The following MUC4 variants were observed in gnomAD, a reference collection of about 807,000 sequenced individuals.
MUC4 encodes mucin 4, cell surface associated.
A neutral mutation model predicts 257.9 loss-of-function variants in MUC4; 202 were observed. The observed-to-expected ratio is 0.78, with a 90% CI of 0.70 to 0.88. The LOEUF (loss-of-function observed/expected upper bound fraction) is 0.88. MUC4 is among the 40% of genes least tolerant of loss of function. The probability of loss-of-function intolerance (pLI) is 0.00; values close to 1 mark genes in which losing one functional copy is unlikely to be tolerated. For synonymous variants in MUC4, 2,351 were observed against 2,757.1 expected (o/e 0.85, Z 4.62); for missense variants, 5,976 against 6,513.7 (o/e 0.92, Z 2.84).
rs1014434054 is a variant in MUC4, at chr3:195,757,063, G to T, written c.15168+84C>A. ...CATCTCCCAACACAGACACACCCAG[G>T]ACAGGCAGAATCACAGCATCCATTC... On this transcript the variant is annotated intron_variant, in intron 18 of 24. Transcript: ENST00000463781. The surrounding 1 kb of genome is among the most constrained non-coding windows in gnomAD (Gnocchi z 4.8). The T allele has an allele frequency of 1.3e-5, 19 of 1,411,516 alleles. No individual in the cohort carries two copies. The South Asian group carries it at 2.2e-4, about 17-fold the overall frequency. 87.4% of individuals were successfully genotyped at this position (1,411,516 alleles called of 1,614,324 possible).
intron 19 of MUC4, 132 bp downstream of exon 19, chr3:195,754,081 A>G (rs1240477969): frequency 7.9e-7 from 1 of 1,261,646 alleles, no homozygotes. Context: ...TAGATTTCCC[A>G]CACCTGCCTA....
rs1175118882 is a variant in MUC4 at position 195,782,509 on chromosome 3, G to A, written c.9071C>T (p.Pro3024Leu). 7.9e-6 allele frequency: 11 copies of A among 1,386,068 alleles called. 1 individual carries two copies. Among genetic ancestry groups the A allele is most frequent in the Non-Finnish European group, 9.7e-6 (10 of 1,032,014 alleles). The allele number at this position is 1,386,068 out of a possible 1,614,324, so 85.9% of individuals were successfully genotyped here. ...TSSISTGHAT[P>L]LHVTSPSSAS... The stretch of plus-strand genomic sequence containing the variant: ...TGAGGAAGGGCTGGTGACATGAAGA[G>A]GGGTGGCGTGACCTGTGGATATTGA... Residue 3024 changes from proline to leucine, a missense_variant, in exon 2 of 25, where the codon CCT becomes CTT. By Grantham distance (98) the Pro-to-Leu change is moderately conservative (BLOSUM62 -3). Coordinates refer to ENST00000463781, the MANE Select transcript of MUC4 (RefSeq NM_018406.7).
At chr3:195,771,843 A>AT (rs750217633) in intron 4 of MUC4, 27 bp from the exon 5 acceptor site, 1 of 1,607,642 alleles carries the variant, frequency 6.2e-7, no homozygotes. Flanking sequence ...TGTGGTCAGC[A>AT]TTCAGGGAGG....
At chr3:195,766,776 G>C (rs779008697) in intron 7 of MUC4, 25 bp from the exon 8 acceptor site, 4 of 1,606,902 alleles carry the variant, frequency 2.5e-6, no homozygotes, top group Middle Eastern at 1.7e-4. Context: ...AGACTCTCAG[G>C]CCTCTGCCGT....
In MUC4 at chr3:195,782,233, C is replaced by A. The variant is rs749308275; in HGVS notation, c.9347G>T (p.Gly3116Val). Residue 3116 changes from glycine (G) to valine (V), a missense_variant, in exon 2 of 25, where the codon GGT becomes GTT. Coordinates refer to ENST00000463781, the MANE Select transcript of MUC4 (RefSeq NM_018406.7). ...GGTGACAGGAAGAGGGGTGGTGTGA[C>A]CTGTGGATGCTGAGGAAGGGCTAGT... ...PVTSPSSAST[G>V]HTTPLPVTDT... 1 of 1,528,032 alleles carries A rather than the reference C, an allele frequency of 6.5e-7. No individual in the cohort carries two copies. The highest frequency in any genetic ancestry group is 8.8e-7 in the Non-Finnish European group (1 of 1,136,544). The allele number at this position is 1,528,032 out of a possible 1,614,324, so 94.7% of individuals were successfully genotyped here. A position where few individuals can be genotyped will look rare whatever the true frequency, so the allele number is the denominator to read the frequency against.
At chr3:195,758,405 A>G (rs769951366) in intron 17 of MUC4, among the ~76,000 whole-genome samples, 1 of 152,168 alleles carries the variant, frequency 6.6e-6, no homozygotes, top group African/African-American at 2.4e-5. Flanking sequence ...AGTATTTTTC[A>G]TATTTCTTTA....
intron 14 of MUC4, among the ~76,000 whole-genome samples, chr3:195,761,873 CT>C (rs1028220448): frequency 4.1e-4 from 62 of 152,296 alleles, no homozygotes; most frequent in African/African-American, 5.3e-4. Flanking sequence ...GCAGCCCCCC[CT>C]GATGCTCCCT....
chr3:195,789,643 G>A lies in MUC4; in HGVS notation c.1937C>T (p.Thr646Ile). ...QRGHTQAPQT[T>I]QESQTTRSVS... ...GGACCTCGTGGTTTGTGATTCTTGT[G>A]TGGTCTGCGGGGCTTGAGTGTGACC... Residue 646 changes from threonine (T) to isoleucine (I), a missense_variant, in exon 2 of 25, where the codon ACA (threonine) becomes ATA (isoleucine). Thr to Ile is a moderately conservative substitution (Grantham distance 89, BLOSUM62 -1). Transcript: ENST00000463781. 6.2e-7 allele frequency: 1 copy of A among 1,614,010 alleles called. No individual in the cohort carries two copies. Among genetic ancestry groups the A allele is most frequent in the Non-Finnish European group, 8.5e-7 (1 of 1,179,892 alleles).
chr3:195,811,684 C>A (rs1047092629), intron 1 of MUC4, 52 bp downstream of exon 1: 5 of 1,562,212 alleles, frequency 3.2e-6, no homozygotes, highest in Non-Finnish European at 4.4e-6. Context: ...CAGCTCCCAC[C>A]TCCCCCAAGT....
In MUC4 at chr3:195,790,836, T is replaced by C; in HGVS notation, c.744A>G (p.Ser248=). The C allele has an allele frequency of 1.2e-6, 2 of 1,613,872 alleles. No individual in the cohort carries two copies. Among genetic ancestry groups the C allele is most frequent in the South Asian group, 1.1e-5 (1 of 91,066 alleles). ...KTSPSGETAT[S]SLCSVTNTSM... ...ATGTGTTTGTGACACTACAGAGGGA[T>C]GAGGTAGCTGTTTCACCTGAAGGAG... Residue 248 remains serine (S), a synonymous_variant, in exon 2 of 25, where the codon TCA becomes TCG. Transcript: ENST00000463781.
Position 195,778,465 on chromosome 3 carries a change from T to A in MUC4, c.12791-10A>T. The stretch of plus-strand genomic sequence containing the variant: ...GACGGTGTTGTCATTCCTGGACACG[T>A]GAAAAGACAAGGCGGGGTGTTTCTT... On this transcript the variant is annotated splice_polypyrimidine_tract_variant and intron_variant, in intron 2 of 24. Transcript: ENST00000463781. 1.2e-6 allele frequency: 2 copies of A among 1,610,846 alleles called. No individual in the cohort carries two copies. Among genetic ancestry groups the A allele is most frequent in the Non-Finnish European group, 1.7e-6 (2 of 1,179,276 alleles).
At chr3:195,770,645 C>T in intron 5 of MUC4, 1 of 534,960 alleles carries the variant, frequency 1.9e-6, no homozygotes, top group Non-Finnish European at 3.4e-6. Flanking sequence ...TCAAACTGGC[C>T]CAGAGAGCAG....
chr3:195,788,464 G>A lies in MUC4; in HGVS notation c.3116C>T (p.Thr1039Ile). 4 of 1,525,260 alleles carry A rather than the reference G, an allele frequency of 2.6e-6. No individual in the cohort carries two copies. Among genetic ancestry groups the A allele is most frequent in the Non-Finnish European group, 3.5e-6 (4 of 1,127,976 alleles). The allele number at this position is 1,525,260 out of a possible 1,614,324, so 94.5% of individuals were successfully genotyped here. A position where few individuals can be genotyped will look rare whatever the true frequency, so the allele number is the denominator to read the frequency against. The change falls in exon 2 of 25, where the codon ACC becomes ATC. Residue 1039 changes from threonine (T) to isoleucine (I), a missense_variant. Around this residue, in one of 44 missense-constraint regions of MUC4, gnomAD observed 1,583 missense variants for 1,257.4 expected, o/e 1.26. Transcript: ENST00000463781. ...GGAAAAGCTGGTGACAGGAAGAGGG[G>A]TGACGTGACCTGTGGATTCTGAGGA... ...DTSSESTGHV[T>I]PLPVTSFSSA...
rs189523147 is a variant in MUC4 at position 195,753,046 on chromosome 3, G to A, written c.15508+5C>T. 6.6e-5 allele frequency: 107 copies of A among 1,609,382 alleles called. No homozygotes were observed. The African/African-American group carries it at 1.1e-3, about 17-fold the overall frequency. On this transcript the variant is annotated splice_donor_5th_base_variant and intron_variant, in intron 20 of 24. Coordinates refer to ENST00000463781, the MANE Select transcript of MUC4 (RefSeq NM_018406.7). ...GGGGTGAGAGGGCGGGGTCTCTGGCGGTACCTAGGTTGACAGTTGGACTGA... is the reference window on the plus strand; with the variant it reads ...GGGGTGAGAGGGCGGGGTCTCTGGCAGTACCTAGGTTGACAGTTGGACTGA...
In MUC4 at chr3:195,765,368, C is replaced by A; in HGVS notation, c.13700G>T (p.Ser4567Ile). 1 of 1,613,612 alleles carries A rather than the reference C, an allele frequency of 6.2e-7. No individual in the cohort carries two copies. Reference protein sequence around the residue: ...YRLECLQWLKSQPRWPSWGWN... With the variant: ...YRLECLQWLKIQPRWPSWGWN... ...GCCCCAGCTGGGCCACCGAGGCTGG[C>A]TCTTCAGCCACTGCAGGCACTCGAG... Residue 4567 changes from serine to isoleucine, a missense_variant, in exon 9 of 25, where the codon AGC becomes ATC. Transcript: ENST00000463781.
At chr3:195,778,575 C>A in intron 2 of MUC4, 120 bp from the exon 3 acceptor site, 2 of 1,396,102 alleles carry the variant, frequency 1.4e-6, no homozygotes, top group Non-Finnish European at 9.7e-7. Context: ...CTCTCCCCTG[C>A]TCATATCCAA....
chr3:195,766,445 C>T (rs1030552109), intron 8 of MUC4, among the ~76,000 whole-genome samples: 14 of 152,096 alleles, frequency 9.2e-5, no homozygotes, highest in Non-Finnish European at 4.4e-5. Context: ...GTAGCCCCCT[C>T]TGAGACTGTG....
chr3:195,775,269 G>A (rs1467523186), intron 3 of MUC4, among the ~76,000 whole-genome samples: 1 of 151,960 alleles, frequency 6.6e-6, no homozygotes, highest in African/African-American at 2.4e-5. Flanking sequence ...TTCCCCGCAT[G>A]CCGGCCGCAC....
At position 195,781,674 on chromosome 3, in the gene MUC4, A is replaced by AGC. The variant is rs751942976; in HGVS notation, c.9905_9906insGC (p.Ser3303LeufsTer957). On this transcript the variant is annotated frameshift_variant, in exon 2 of 25. Transcript: ENST00000463781. LOFTEE classifies it high-confidence loss of function. ...TGGCGTGACCTGTGGATACTGAGGA[A>AGC]GTCTCGGTGACAAGAAGAGGGGTGG... 8.4e-7 allele frequency: 1 copy of AGC among 1,185,326 alleles called. No individual in the cohort carries two copies. Among genetic ancestry groups the AGC allele is most frequent in the Non-Finnish European group, 1.1e-6 (1 of 887,396 alleles). The allele number at this position is 1,185,326 out of a possible 1,614,324, so 73.4% of individuals were successfully genotyped here. A position where few individuals can be genotyped will look rare whatever the true frequency, so the allele number is the denominator to read the frequency against.
Sources: gnomAD v4.1 joint callset for allele counts (sites outside exome capture counted in the v4.1 genomes callset) on GRCh38, gnomAD v4.1.1 for gene constraint, gnomAD v4.1.1 regional missense constraint, Gnocchi (gnomAD v3.1) non-coding constraint, MANE v1.5 for transcripts, NCBI Gene and HGNC (gene_info 2026-07-23, HGNC 2026-07-21) for gene names.